Variants in CACNG2 observed in about 807,000 individuals in gnomAD.
CACNG2 encodes the protein voltage-dependent calcium channel gamma-2 subunit.
A neutral mutation model predicts 25.9 loss-of-function variants in CACNG2; 3 were observed. The ratio of observed to expected loss-of-function variants is 0.12; its 90% CI spans 0.05 to 0.30. The LOEUF (loss-of-function observed/expected upper bound fraction) is 0.30, where lower values mean the gene tolerates loss of function less well. Ranked by LOEUF, CACNG2 falls within the 10% of genes least tolerant of loss-of-function variation. CACNG2 has a pLI of 1.00. For missense variants in CACNG2, 341 were observed against 432.5 expected, an observed-to-expected ratio of 0.79 and a Z score of 1.88; for synonymous variants, 167 against 173.3, an observed-to-expected ratio of 0.96 and a Z score of 0.29.
chr22:36,670,762 G>T (rs1329714454), intron 1 of CACNG2, among the ~76,000 whole-genome samples: 1 of 152,026 alleles, frequency 6.6e-6, no homozygotes, highest in African/African-American at 2.4e-5. Flanking sequence ...CCCTCAAGTA[G>T]CTGAGACTAC....
intron 1 of CACNG2, among the ~76,000 whole-genome samples, chr22:36,640,822 G>A (rs1936433744): frequency 6.6e-6 from 1 of 152,118 alleles, no homozygotes; most frequent in African/African-American, 2.4e-5. Flanking sequence ...ATGTCCCTCA[G>A]TTTAGATTCC....
rs985621539 is a variant in CACNG2, at chr22:36,634,570, C to G, written c.212-47022G>C. Among the ~76,000 whole-genome samples, 4 of 152,216 alleles carry G rather than the reference C, an allele frequency of 2.6e-5. No individual in the cohort carries two copies. In the East Asian group the frequency reaches 7.7e-4, roughly 29 times the overall value. ...ATTACCCTGATACCTTTGCAAAACA[C>G]TGGTAAAATTTTTTTAGGAGGGTTG... On this transcript the variant is annotated intron_variant, in intron 1 of 3. Transcript: ENST00000300105.
intron 3 of CACNG2, 50 bp downstream of exon 3, chr22:36,566,303 C>T: frequency 6.2e-7 from 1 of 1,603,770 alleles, no homozygotes; most frequent in Non-Finnish European, 8.5e-7. Flanking sequence ...CCCTGAGCAC[C>T]CACACCCCAG....
intron 1 of CACNG2, among the ~76,000 whole-genome samples, chr22:36,637,165 C>T (rs115247767): frequency 6.6e-6 from 1 of 152,346 alleles, no homozygotes; most frequent in African/African-American, 2.4e-5. Flanking sequence ...CTTAAGACTG[C>T]ATTTACTTAG....
Position 36,564,337 on chromosome 22 carries a change from G to T in CACNG2, c.*14C>A, listed in dbSNP as rs769983106. ...CGCCCTCCTCCCGCGGTCTTCTGGC[G>T]AGGCCCGCGGTCTTTATACGGGGGT... On this transcript the variant is annotated 3_prime_UTR_variant, in exon 4 of 4. Transcript: ENST00000300105. The surrounding 1 kb of genome is among the most constrained non-coding windows in gnomAD (Gnocchi z 6.7). 1.9e-6 allele frequency: 3 copies of T among 1,608,072 alleles called. No individual in the cohort carries two copies. Among genetic ancestry groups the T allele is most frequent in the Non-Finnish European group, 2.5e-6 (3 of 1,177,394 alleles).
At chr22:36,576,040 T>C (rs1484904464) in intron 2 of CACNG2, among the ~76,000 whole-genome samples, 1 of 152,196 alleles carries the variant, frequency 6.6e-6, no homozygotes, top group Non-Finnish European at 1.5e-5. Flanking sequence ...GTGTAGCCAA[T>C]GGCCGTGAGA....
At chr22:36,615,748 C>G (rs1936012578) in intron 1 of CACNG2, among the ~76,000 whole-genome samples, 1 of 140,600 alleles carries the variant, frequency 7.1e-6, no homozygotes, top group East Asian at 2.1e-4. Flanking sequence ...TGGCATGTAG[C>G]AGGTGCTCAG....
intron 1 of CACNG2, 83 bp from the exon 2 acceptor site, chr22:36,587,631 G>C: frequency 1.0e-6 from 1 of 964,688 alleles, no homozygotes; most frequent in Non-Finnish European, 1.7e-6. Flanking sequence ...CCCAACTTCT[G>C]GCTCTTTGGA....
chr22:36,612,412 G>T (rs747143355), intron 1 of CACNG2, among the ~76,000 whole-genome samples: 1 of 152,172 alleles, frequency 6.6e-6, no homozygotes, highest in Admixed American at 6.5e-5. Context: ...AAATGGTATT[G>T]ACTACAACCA....
At chr22:36,579,687 G>A (rs1402250368) in intron 2 of CACNG2, among the ~76,000 whole-genome samples, 1 of 152,122 alleles carries the variant, frequency 6.6e-6, no homozygotes, top group African/African-American at 2.4e-5. Context: ...CACCCCTTCT[G>A]CCACCTGCCT....
At chr22:36,630,079 C>A (rs941154252) in intron 1 of CACNG2, among the ~76,000 whole-genome samples, 2 of 152,046 alleles carry the variant, frequency 1.3e-5, no homozygotes, top group African/African-American at 4.8e-5. Flanking sequence ...TCGACGAGGA[C>A]CAGAAGAAGG....
intron 1 of CACNG2, among the ~76,000 whole-genome samples, chr22:36,611,217 C>T (rs995594203): frequency 6.6e-6 from 1 of 152,128 alleles, no homozygotes; most frequent in Non-Finnish European, 1.5e-5. Context: ...TTGAGAGCTG[C>T]CCTCTATAGA....
At position 36,659,957 on chromosome 22, in the gene CACNG2, G is replaced by C. The variant is rs569110540; in HGVS notation, c.211+42409C>G. 3.9e-5 allele frequency among the ~76,000 whole-genome samples: 6 copies of C among 152,266 alleles called. No individual in the cohort carries two copies. In the East Asian group the frequency reaches 1.2e-3, roughly 29 times the overall value. ...TGCCACCAGAGCTGCAGGGAGGACAGTAGCCCAGTGGCTGGTGGCTTCCAG... is the reference window on the plus strand; with the variant it reads ...TGCCACCAGAGCTGCAGGGAGGACACTAGCCCAGTGGCTGGTGGCTTCCAG... On this transcript the variant is annotated intron_variant, in intron 1 of 3. Coordinates refer to ENST00000300105, the MANE Select transcript of CACNG2 (RefSeq NM_006078.5).
chr22:36,626,580 A>G (rs1464060711), intron 1 of CACNG2, among the ~76,000 whole-genome samples: 1 of 152,166 alleles, frequency 6.6e-6, no homozygotes, highest in Non-Finnish European at 1.5e-5. Flanking sequence ...TGAAGACCAT[A>G]TTTATGAGAT....
intron 2 of CACNG2, among the ~76,000 whole-genome samples, chr22:36,572,245 G>A (rs1935244181): frequency 6.6e-6 from 1 of 152,158 alleles, no homozygotes; most frequent in Non-Finnish European, 1.5e-5. Flanking sequence ...GAAGCCATGG[G>A]CTTTGGCTTC....
intron 1 of CACNG2, among the ~76,000 whole-genome samples, chr22:36,622,415 G>A (rs1936119604): frequency 2.6e-5 from 4 of 152,202 alleles, no homozygotes; most frequent in Admixed American, 2.6e-4. Flanking sequence ...GTCCAGGGAT[G>A]TACTCATCAT....
At position 36,564,591 on chromosome 22, in the gene CACNG2, C is replaced by T. The variant is rs756630130; in HGVS notation, c.732G>A (p.Thr244=). The change falls in exon 4 of 4, where the codon ACG becomes ACA. Residue 244 remains threonine (T), a synonymous_variant. Transcript: ENST00000300105. This position sits in a 1 kb window ranked among gnomAD's most constrained non-coding sequence, Gnocchi z 6.7. The part of the protein sequence containing the change: ...QRRSRSSSRS[T]EPSHSRDASP... ...AGGCGTCCCTGGAGTGTGAGGGCTC[C>T]GTGGAGCGCGAGCTGGAGCGGCTGC... 3.1e-6 allele frequency: 5 copies of T among 1,613,974 alleles called. No individual in the cohort carries two copies. Among genetic ancestry groups the T allele is most frequent in the Middle Eastern group, 1.6e-4 (1 of 6,062 alleles).
At chr22:36,654,550 C>T (rs1471259051) in intron 1 of CACNG2, among the ~76,000 whole-genome samples, 1 of 152,094 alleles carries the variant, frequency 6.6e-6, no homozygotes, top group Admixed American at 6.6e-5. Flanking sequence ...AGTTTTAAAG[C>T]CCATACTTAT....
At chr22:36,592,980 A>C (rs2145926058) in intron 1 of CACNG2, among the ~76,000 whole-genome samples, 1 of 152,272 alleles carries the variant, frequency 6.6e-6, no homozygotes, top group East Asian at 1.9e-4. Context: ...ACCAGTAGGG[A>C]GACTCTTCTT....
Sources: allele counts gnomAD v4.1 joint callset (sites outside exome capture counted in the v4.1 genomes callset), GRCh38; gene constraint gnomAD v4.1.1; non-coding constraint Gnocchi (gnomAD v3.1); transcripts MANE v1.5; gene names NCBI Gene and HGNC (gene_info 2026-07-23, HGNC 2026-07-21).